CSPG5: variants seen among roughly 807,000 people sequenced by gnomAD.
The protein encoded by CSPG5 is acidic leucine-rich EGF-like domain-containing brain protein.
In CSPG5, 25 loss-of-function variants were observed where a neutral mutation model predicts 39.8. The observed-to-expected ratio is 0.63, with a 90% confidence interval of 0.46 to 0.88. The LOEUF (loss-of-function observed/expected upper bound fraction) is 0.88. Among genes scored for constraint, CSPG5 ranks in the 40% least tolerant of loss-of-function variants. The probability of loss-of-function intolerance (pLI) is 0.00; values close to 1 mark genes in which losing one functional copy is unlikely to be tolerated. For synonymous variants in CSPG5, 295 were observed against 303.9 expected, an observed-to-expected ratio of 0.97 and a Z score of 0.31; for missense variants, 627 against 702.2, an observed-to-expected ratio of 0.89 and a Z score of 1.21.
chr3:47,570,685 T>C (rs2031496001), intron 3 of CSPG5, among the ~76,000 whole-genome samples: 1 of 152,066 alleles, frequency 6.6e-6, no homozygotes, highest in South Asian at 2.1e-4. Flanking sequence ...TTTTTGTATT[T>C]TTAGTAGAGA....
chr3:47,568,415 T>A (rs1438245250), intron 4 of CSPG5, among the ~76,000 whole-genome samples: 1 of 152,218 alleles, frequency 6.6e-6, no homozygotes, highest in Non-Finnish European at 1.5e-5. Flanking sequence ...GGATTTCAAC[T>A]GATATTTATA....
chr3:47,568,937 CT>C (rs2031413401), intron 4 of CSPG5: 1 of 673,316 alleles, frequency 1.5e-6, no homozygotes, highest in East Asian at 3.4e-5. Context: ...TTATTCCCAC[CT>C]TTGCTGCCCA....
Position 47,577,309 on chromosome 3 carries a change from A to C in CSPG5, c.717T>G (p.Pro239=), listed in dbSNP as rs753717633. 2 of 1,613,824 alleles carry C rather than the reference A, an allele frequency of 1.2e-6. No homozygotes were observed. The highest frequency in any genetic ancestry group is 4.5e-5 in the East Asian group (2 of 44,868). Residue 239 remains proline, a synonymous_variant, in exon 2 of 5, where the codon CCT becomes CCG. Coordinates refer to ENST00000264723, the MANE Select transcript of CSPG5 (RefSeq NM_006574.4). The surrounding 1 kb of genome is among the most constrained non-coding windows in gnomAD (Gnocchi z 4.7). ...PGSPGTSENH[P]DTEGETPSWS... Reference sequence around the variant, plus strand: ...AGGAAGGGGTCTCTCCCTCAGTATCAGGGTGGTTCTCTGAGGTTCCTGGTG... The same window carrying C: ...AGGAAGGGGTCTCTCCCTCAGTATCCGGGTGGTTCTCTGAGGTTCCTGGTG...
In CSPG5 at chr3:47,577,130, T is replaced by C. The variant is rs2031777725; in HGVS notation, c.896A>G (p.Glu299Gly). 6.2e-7 allele frequency: 1 copy of C among 1,613,960 alleles called. No individual in the cohort carries two copies. ...VGGGDLEDEN[E>G]LLVPTGKPGL... ...AGGCTTCCCAGTGGGCACTAGAAGC[T>C]CATTTTCATCTTCTAGGTCTCCACC... The change falls in exon 2 of 5, where the codon GAG becomes GGG. Residue 299 changes from glutamate to glycine, a missense_variant. Physicochemically the swap from Glu to Gly is moderately conservative, Grantham distance 98. Coordinates refer to ENST00000264723, the MANE Select transcript of CSPG5 (RefSeq NM_006574.4). The surrounding 1 kb of genome is among the most constrained non-coding windows in gnomAD (Gnocchi z 4.7).
chr3:47,566,289 G>A (rs1198319380), intron 4 of CSPG5, among the ~76,000 whole-genome samples: 1 of 152,100 alleles, frequency 6.6e-6, no homozygotes, highest in Non-Finnish European at 1.5e-5. Context: ...GAGGGGTGGG[G>A]AGAAGCCACG....
intron 4 of CSPG5, among the ~76,000 whole-genome samples, chr3:47,563,990 C>T (rs1181564984): frequency 6.6e-6 from 1 of 152,206 alleles, no homozygotes. Flanking sequence ...GGGGAATATA[C>T]CCAGTGCAAT....
In CSPG5 at chr3:47,577,174, ATCC is replaced by A; in HGVS notation, c.849_851del (p.Glu283del). On this transcript the variant is annotated inframe_deletion, in exon 2 of 5. Coordinates refer to ENST00000264723, the MANE Select transcript of CSPG5 (RefSeq NM_006574.4). The surrounding 1 kb of genome is among the most constrained non-coding windows in gnomAD (Gnocchi z 4.7). ...CTCCACCTCCTACTGCATCTTTGTC[ATCC>A]TCCTCTTCCTCCTCCTCTTCATCCA... 1 of 1,611,210 alleles carries A rather than the reference ATCC, an allele frequency of 6.2e-7. No individual in the cohort carries two copies. Among genetic ancestry groups the A allele is most frequent in the Non-Finnish European group, 8.5e-7 (1 of 1,178,618 alleles).
At chr3:47,567,462 G>T (rs1051047959) in intron 4 of CSPG5, among the ~76,000 whole-genome samples, 9 of 151,966 alleles carry the variant, frequency 5.9e-5, no homozygotes, top group African/African-American at 2.2e-4. Context: ...GTGTTTCCTT[G>T]GTTATAATGT....
intron 3 of CSPG5, among the ~76,000 whole-genome samples, chr3:47,570,754 T>C (rs2031499819): frequency 1.3e-5 from 2 of 150,914 alleles, no homozygotes; most frequent in Non-Finnish European, 3.0e-5. Flanking sequence ...GATCCACCCA[T>C]CGTGATCCAC....
At chr3:47,569,773 G>A (rs2031462034) in intron 3 of CSPG5, among the ~76,000 whole-genome samples, 1 of 148,886 alleles carries the variant, frequency 6.7e-6, no homozygotes, top group African/African-American at 2.5e-5. Context: ...TTTGAGACAG[G>A]GTCTCACTCT....
chr3:47,571,582 G>A (rs767282291), intron 3 of CSPG5, among the ~76,000 whole-genome samples: 7 of 152,242 alleles, frequency 4.6e-5, no homozygotes, highest in African/African-American at 1.7e-4. Context: ...TGGAGAGGCC[G>A]TACCAGCCCC....
In CSPG5 at chr3:47,577,824, C is replaced by G; in HGVS notation, c.202G>C (p.Ala68Pro). 6.4e-7 allele frequency: 1 copy of G among 1,573,736 alleles called. No homozygotes were observed. The highest frequency in any genetic ancestry group is 8.6e-7 in the Non-Finnish European group (1 of 1,169,544). ...DTREEAGPPA[A>P]GEDEASWTAP... is the part of the protein sequence containing the mutation. ...GTCCACGACGCCTCATCTTCCCCAG[C>G]CGCTGGTGGGCCGGCTTCTTCCCGC... The change falls in exon 2 of 5, where the codon GCT becomes CCT. Residue 68 changes from alanine (A) to proline (P), a missense_variant. Transcript: ENST00000264723. This position sits in a 1 kb window ranked among gnomAD's most constrained non-coding sequence, Gnocchi z 4.7.
At chr3:47,574,799 C>T (rs923920813) in intron 2 of CSPG5, among the ~76,000 whole-genome samples, 8 of 152,150 alleles carry the variant, frequency 5.3e-5, no homozygotes, top group South Asian at 4.2e-4. Flanking sequence ...ATTAGCTGGG[C>T]GTGGTGGCGG....
intron 4 of CSPG5, among the ~76,000 whole-genome samples, chr3:47,564,463 G>C (rs1348222175): frequency 6.6e-6 from 1 of 152,188 alleles, no homozygotes; most frequent in Non-Finnish European, 1.5e-5. Flanking sequence ...GGACAATTTA[G>C]TAGAGTTTCA....
chr3:47,562,558 C>T lies in CSPG5; in HGVS notation c.*42G>A, dbSNP rs2031122524. ...AGAGGAGATAATGTTTCTTCCCCTA[C>T]CCCCCACCCACTACCCCCGCTTCCT... On this transcript the variant is annotated 3_prime_UTR_variant, in exon 5 of 5. Coordinates refer to ENST00000264723, the MANE Select transcript of CSPG5 (RefSeq NM_006574.4). 5.7e-6 allele frequency: 7 copies of T among 1,222,108 alleles called. No homozygotes were observed. Among genetic ancestry groups the T allele is most frequent in the Non-Finnish European group, 8.3e-6 (7 of 845,568 alleles). 75.7% of individuals were successfully genotyped at this position (1,222,108 alleles called of 1,614,324 possible).
At chr3:47,566,027 G>C (rs1005435428) in intron 4 of CSPG5, among the ~76,000 whole-genome samples, 2 of 152,220 alleles carry the variant, frequency 1.3e-5, no homozygotes, top group African/African-American at 4.8e-5. Context: ...GAGGAGCAGA[G>C]GAGGGAAAGA....
chr3:47,571,639 T>C (rs1049748449), intron 3 of CSPG5, among the ~76,000 whole-genome samples: 1 of 152,208 alleles, frequency 6.6e-6, no homozygotes, highest in South Asian at 2.1e-4. Context: ...CATCTGTACA[T>C]TGCATGAGTC....
At chr3:47,565,042 A>G (rs1202076986) in intron 4 of CSPG5, among the ~76,000 whole-genome samples, 1 of 152,016 alleles carries the variant, frequency 6.6e-6, no homozygotes, top group Non-Finnish European at 1.5e-5. Context: ...ATAACCTCCC[A>G]CCCTCAACTC....
chr3:47,566,203 C>T (rs1219012995), intron 4 of CSPG5, among the ~76,000 whole-genome samples: 1 of 152,072 alleles, frequency 6.6e-6, no homozygotes, highest in Non-Finnish European at 1.5e-5. Context: ...AGAAATAACA[C>T]CTCGATGCAA....
Sources: allele counts gnomAD v4.1 joint callset (sites outside exome capture counted in the v4.1 genomes callset), GRCh38; gene constraint gnomAD v4.1.1; non-coding constraint Gnocchi (gnomAD v3.1); transcripts MANE v1.5; gene names NCBI Gene and HGNC (gene_info 2026-07-23, HGNC 2026-07-21).